Variants in USH2A observed in about 807,000 individuals in gnomAD.
The protein encoded by USH2A is usherin.
In USH2A, 443 loss-of-function variants were observed where a neutral mutation model predicts 538.9. The ratio of observed to expected loss-of-function variants is 0.82; its 90% CI spans 0.76 to 0.89. The LOEUF is 0.89. Ranked by LOEUF, USH2A falls within the 40% of genes least tolerant of loss-of-function variation. The pLI, the probability that USH2A is intolerant of heterozygous loss-of-function variation, is 0.00. For synonymous variants in USH2A, 2,413 were observed against 2,273.5 expected (o/e 1.06, Z -1.75); for missense variants, 6,633 against 6,324.8 (o/e 1.05, Z -1.65).
At chr1:216,410,980 T>C (rs2039480189) in intron 3 of USH2A, among the ~76,000 whole-genome samples, 1 of 152,182 alleles carries the variant, frequency 6.6e-6, no homozygotes, top group African/African-American at 2.4e-5. Flanking sequence ...GCAGCCAAAG[T>C]GATCTTTAGG....
chr1:216,278,660 T>C (rs760160172), intron 11 of USH2A, among the ~76,000 whole-genome samples: 44 of 152,210 alleles, frequency 2.9e-4, no homozygotes, highest in Non-Finnish European at 5.4e-4. Context: ...CCATGGATCA[T>C]ACTATTCATG....
At chr1:215,673,536 G>A (rs74365491) in intron 63 of USH2A, among the ~76,000 whole-genome samples, 2,273 of 152,242 alleles carry the variant, frequency 0.015, 67 homozygotes, top group African/African-American at 0.05. Flanking sequence ...AGATGGGACC[G>A]CTAGGAAAAC....
chr1:216,100,540 C>A (rs1256975662), intron 21 of USH2A, among the ~76,000 whole-genome samples: 14 of 152,080 alleles, frequency 9.2e-5, no homozygotes, highest in Admixed American at 9.2e-4. Context: ...ATAATAAAAC[C>A]TATTCCTATA....
intron 44 of USH2A, among the ~76,000 whole-genome samples, chr1:215,860,580 G>A (rs1664289083): frequency 6.6e-6 from 1 of 152,082 alleles, no homozygotes; most frequent in African/African-American, 2.4e-5. Flanking sequence ...AAGTTTTATT[G>A]GAACATGGCC....
chr1:215,778,088 G>A (rs1272045592), intron 55 of USH2A, among the ~76,000 whole-genome samples: 1 of 144,494 alleles, frequency 6.9e-6, no homozygotes, highest in Non-Finnish European at 1.5e-5. Context: ...GTCTCGTTCT[G>A]TTGCCCAGGC....
chr1:215,947,858 CATA>C (rs1180711919), intron 37 of USH2A, among the ~76,000 whole-genome samples: 1 of 152,008 alleles, frequency 6.6e-6, no homozygotes, highest in African/African-American at 2.4e-5. Flanking sequence ...ATTATTATAG[CATA>C]ATAATTTTTC....
At chr1:215,875,766 A>C (rs960631789) in intron 43 of USH2A, among the ~76,000 whole-genome samples, 10 of 151,010 alleles carry the variant, frequency 6.6e-5, no homozygotes, top group African/African-American at 2.4e-4. Context: ...TTAAGCACTT[A>C]AGAGTTCATA....
At chr1:215,740,452 G>A (rs964435078) in intron 60 of USH2A, among the ~76,000 whole-genome samples, 1 of 150,296 alleles carries the variant, frequency 6.7e-6, no homozygotes, top group South Asian at 2.1e-4. Context: ...TTTATTTTAG[G>A]TAGGTACACT....
In USH2A at chr1:216,247,086, T is replaced by C. The variant is rs778812993; in HGVS notation, c.2308A>G (p.Lys770Glu). The C allele has an allele frequency of 1.9e-6, 3 of 1,613,946 alleles. No homozygotes were observed. Among genetic ancestry groups the C allele is most frequent in the African/African-American group, 2.7e-5 (2 of 74,904 alleles). The change falls in exon 13 of 72, where the codon AAA becomes GAA. Residue 770 changes from lysine to glutamate, a missense_variant. Coordinates refer to ENST00000307340, the MANE Select transcript of USH2A (RefSeq NM_206933.4). ...TCACACTGAAGTCCTTTGGCTTCTT[T>C]TTTGCACTCACACTGCCCAGAGTGA... ...NPHSGQCECKKEAKGLQCDTC... is the reference protein window; with the variant it reads ...NPHSGQCECKEEAKGLQCDTC...
At chr1:216,330,322 A>G (rs1026098576) in intron 4 of USH2A, among the ~76,000 whole-genome samples, 4 of 152,142 alleles carry the variant, frequency 2.6e-5, no homozygotes, top group African/African-American at 9.6e-5. Context: ...TTAGAATGCA[A>G]TACATTTTAT....
intron 44 of USH2A, among the ~76,000 whole-genome samples, chr1:215,853,974 C>T (rs899619242): frequency 1.3e-5 from 2 of 152,210 alleles, no homozygotes; most frequent in African/African-American, 4.8e-5. Context: ...GCCTGTTACC[C>T]AATTCCAAAG....
intron 11 of USH2A, among the ~76,000 whole-genome samples, chr1:216,281,353 GAAAA>G (rs897237358): frequency 7.2e-5 from 11 of 151,850 alleles, no homozygotes; most frequent in Non-Finnish European, 1.6e-4. Context: ...TTTGGAAAGA[GAAAA>G]AAGTTTATAT....
chr1:215,905,035 GAAAAC>G (rs1665598949), intron 38 of USH2A, among the ~76,000 whole-genome samples: 1 of 151,888 alleles, frequency 6.6e-6, no homozygotes, highest in African/African-American at 2.4e-5. Flanking sequence ...ACTTCTCTAA[GAAAAC>G]AAAACAAAAT....
rs1332057632 is a variant in USH2A, at chr1:215,836,476, A to AT, written c.9371+1514dup. 2.4e-3 allele frequency among the ~76,000 whole-genome samples: 12 copies of AT among 5,102 alleles called. 2 individuals carry two copies. The highest frequency in any genetic ancestry group is 0.014 in the South Asian group (1 of 72). The allele number at this position is 5,102 out of a possible 152,430, so 3.3% of individuals were successfully genotyped here. The stretch of plus-strand genomic sequence containing the variant: ...GTGTGTATATATATTATATATATAT[A>AT]TATAATATATATTATATATATAATA... On this transcript the variant is annotated intron_variant, in intron 47 of 71. Transcript: ENST00000307340.
intron 21 of USH2A, among the ~76,000 whole-genome samples, chr1:216,114,458 TA>T (rs1485761636): frequency 6.6e-6 from 1 of 152,158 alleles, no homozygotes; most frequent in Non-Finnish European, 1.5e-5. Context: ...AACCCTTAAG[TA>T]AAATGTTTAC....
chr1:216,066,235 C>A (rs2031362300), intron 30 of USH2A, among the ~76,000 whole-genome samples: 1 of 151,818 alleles, frequency 6.6e-6, no homozygotes, highest in Non-Finnish European at 1.5e-5. Context: ...CTTTGGGAGG[C>A]CAAGGTGGGT....
chr1:216,231,770 C>T (rs2035699275), intron 14 of USH2A, among the ~76,000 whole-genome samples, 183 bp downstream of exon 14: 1 of 151,988 alleles, frequency 6.6e-6, no homozygotes, highest in African/African-American at 2.4e-5. Flanking sequence ...ATGATATCGA[C>T]CTCTTGACCT....
Position 216,207,267 on chromosome 1 carries a change from A to G in USH2A, c.3316+6T>C, listed in dbSNP as rs373631038. Reference sequence around the variant, plus strand: ...TTTATTTCTATTACCAAACCCTTAAACTCACTGTATGGGTATTGATCCTCT... The same window carrying G: ...TTTATTTCTATTACCAAACCCTTAAGCTCACTGTATGGGTATTGATCCTCT... On this transcript the variant is annotated splice_donor_region_variant and intron_variant, in intron 16 of 71. Coordinates refer to ENST00000307340, the MANE Select transcript of USH2A (RefSeq NM_206933.4). The G allele has an allele frequency of 1.2e-6, 2 of 1,613,800 alleles. No individual in the cohort carries two copies. Among genetic ancestry groups the G allele is most frequent in the Non-Finnish European group, 1.7e-6 (2 of 1,179,850 alleles).
At chr1:216,017,946 G>A (rs910000785) in intron 32 of USH2A, among the ~76,000 whole-genome samples, 1 of 152,092 alleles carries the variant, frequency 6.6e-6, no homozygotes, top group African/African-American at 2.4e-5. Flanking sequence ...TCTTTTGGGT[G>A]GCAAGACATA....
Sources: gnomAD v4.1 joint callset for allele counts (sites outside exome capture counted in the v4.1 genomes callset) on GRCh38, gnomAD v4.1.1 for gene constraint, MANE v1.5 for transcripts, NCBI Gene and HGNC (gene_info 2026-07-23, HGNC 2026-07-21) for gene names.